Variants in LYRM2 observed in about 807,000 individuals in gnomAD.
The protein encoded by LYRM2 is LYR motif containing 2.
In LYRM2, 8 loss-of-function variants were observed where a neutral mutation model predicts 11.6. That is an observed-to-expected ratio of 0.69 (90% CI 0.40 to 1.24). The LOEUF (loss-of-function observed/expected upper bound fraction) is 1.24, where lower values mean the gene tolerates loss of function less well. Among genes scored for constraint, LYRM2 ranks in the 50% most tolerant of loss-of-function variants. The pLI is 0.01. For missense variants in LYRM2, 117 were observed against 102.9 expected, an observed-to-expected ratio of 1.14 and a Z score of -0.59; for synonymous variants, 30 against 36.4, an observed-to-expected ratio of 0.83 and a Z score of 0.63.
At chr6:89,638,484 A>G (rs1288201974) in intron 1 of LYRM2, 188 bp downstream of exon 1, 2 of 1,508,734 alleles carry the variant, frequency 1.3e-6, no homozygotes, top group African/African-American at 1.4e-5. Flanking sequence ...CACCAAACCA[A>G]GGAAGCAGCC....
rs1373704991 is a variant in LYRM2, at chr6:89,637,426, TAAAATCAAGAACCAA to T, written c.187-88_187-74del. 55 of 1,008,156 alleles carry T rather than the reference TAAAATCAAGAACCAA, an allele frequency of 5.5e-5. 1 individual carries two copies. In the East Asian group the frequency reaches 1.4e-3, roughly 25 times the overall value. 62.5% of individuals were successfully genotyped at this position (1,008,156 alleles called of 1,614,324 possible). A position where few individuals can be genotyped will look rare whatever the true frequency, so the allele number is the denominator to read the frequency against. On this transcript the variant is annotated intron_variant, in intron 2 of 2. Transcript: ENST00000523377. ...GGTATAGCTATACCATTTTATCTGT[TAAAATCAAGAACCAA>T]TACTACCTATTGGAACTGCTGCCTT... is the stretch of plus-strand genomic sequence containing the variant.
rs1274710191 is a variant in LYRM2 at position 89,636,144 on chromosome 6, CTTTA to C, written c.*1125_*1128del. On this transcript the variant is annotated 3_prime_UTR_variant, in exon 3 of 3. Transcript: ENST00000523377. ...CACCTCAAGAGTTTTTTAATAACAG[CTTTA>C]TTGAGATACAATTCATACCTTACAT... 1 of 152,208 alleles carries C rather than the reference CTTTA, an allele frequency of 6.6e-6. No individual in the cohort carries two copies. Among genetic ancestry groups the C allele is most frequent in the Non-Finnish European group, 1.5e-5 (1 of 68,048 alleles). The allele number at this position is 152,208 out of a possible 1,614,324, so 9.4% of individuals were successfully genotyped here.
chr6:89,637,201 G>A lies in LYRM2; in HGVS notation c.*72C>T. The A allele has an allele frequency of 1.3e-6, 1 of 762,624 alleles. No individual in the cohort carries two copies. The highest frequency in any genetic ancestry group is 1.7e-5 in the African/African-American group (1 of 57,930). The allele number at this position is 762,624 out of a possible 1,614,324, so 47.2% of individuals were successfully genotyped here. A position where few individuals can be genotyped will look rare whatever the true frequency, so the allele number is the denominator to read the frequency against. ...TATAAATAGTAAGACTGGGCTTTGT[G>A]TTGTCCATTGTTAATCCTAAATGCA... On this transcript the variant is annotated 3_prime_UTR_variant, in exon 3 of 3. Coordinates refer to ENST00000523377, the MANE Select transcript of LYRM2 (RefSeq NM_020466.5).
At position 89,638,737 on chromosome 6, in the gene LYRM2, A is replaced by T. The variant is rs1023969181; in HGVS notation, c.-21T>A. On this transcript the variant is annotated 5_prime_UTR_variant, in exon 1 of 3. Transcript: ENST00000523377. ...GCCATGTCCACCAGAGGTCCGCCGG[A>T]GCCTCAGCGCGCAGGAGCGGAAGTG... The T allele has an allele frequency of 6.2e-7, 1 of 1,613,538 alleles. No homozygotes were observed. The highest frequency in any genetic ancestry group is 8.5e-7 in the Non-Finnish European group (1 of 1,179,882).
In LYRM2 at chr6:89,637,744, C is replaced by G. The variant is rs1563221433; in HGVS notation, c.184G>C (p.Glu62Gln). The change falls in exon 2 of 3, where the codon GAG becomes CAG. Residue 62 changes from glutamate (E) to glutamine (Q), a missense_variant and splice_region_variant. By Grantham distance (29) the Glu-to-Gln change is conservative (BLOSUM62 2). Coordinates refer to ENST00000523377, the MANE Select transcript of LYRM2 (RefSeq NM_020466.5). ...CCTCACCATGATTTTGTTCTCACCTCTTCGGTGGCACTTTTGTTTCTTCTG... is the reference window on the plus strand; with the variant it reads ...CCTCACCATGATTTTGTTCTCACCTGTTCGGTGGCACTTTTGTTTCTTCTG... ...EFRRNKSATE[E>Q]DTIRMMITQG... 6.2e-7 allele frequency: 1 copy of G among 1,613,918 alleles called. No individual in the cohort carries two copies. The highest frequency in any genetic ancestry group is 8.5e-7 in the Non-Finnish European group (1 of 1,179,874).
At chr6:89,637,678 A>C in intron 2 of LYRM2, 64 bp downstream of exon 2, 1 of 1,560,594 alleles carries the variant, frequency 6.4e-7, no homozygotes, top group Non-Finnish European at 8.7e-7. Flanking sequence ...CTAAACTTAA[A>C]AAAAAAAATT....
chr6:89,638,170 C>A, intron 1 of LYRM2: 1 of 718,846 alleles, frequency 1.4e-6, no homozygotes, highest in Non-Finnish European at 1.9e-6. Context: ...GAGGCCCTGT[C>A]TCAAAAAGAT....
Position 89,636,677 on chromosome 6 carries a change from G to GTTTTTTTTTTTTTTTTTT in LYRM2, c.*595_*596insAAAAAAAAAAAAAAAAAA, listed in dbSNP as rs1309259627. 7.7e-6 allele frequency: 1 copy of GTTTTTTTTTTTTTTTTTT among 130,470 alleles called. No homozygotes were observed. Among genetic ancestry groups the GTTTTTTTTTTTTTTTTTT allele is most frequent in the African/African-American group, 2.7e-5 (1 of 37,420 alleles). 8.1% of individuals were successfully genotyped at this position (130,470 alleles called of 1,614,324 possible). ...CATTCTAGTGAATGTGAATCTCAGG[G>GTTTTTTTTTTTTTTTTTT]TTGTTTTTTTTTTTTTTTTTTAGAG... On this transcript the variant is annotated 3_prime_UTR_variant, in exon 3 of 3. Coordinates refer to ENST00000523377, the MANE Select transcript of LYRM2 (RefSeq NM_020466.5).
At chr6:89,638,626 C>T in intron 1 of LYRM2, 46 bp downstream of exon 1, 1 of 1,613,538 alleles carries the variant, frequency 6.2e-7, no homozygotes, top group Non-Finnish European at 8.5e-7. Flanking sequence ...GAGAATCCAG[C>T]TCAGACCCAG....
chr6:89,638,200 G>C lies in LYRM2; in HGVS notation c.46-318C>G, dbSNP rs115155032. 573 of 816,770 alleles carry C rather than the reference G, an allele frequency of 7.0e-4. 5 individuals are homozygous for C. In the African/African-American group the frequency reaches 9.3e-3, roughly 13 times the overall value. The allele number at this position is 816,770 out of a possible 1,614,324, so 50.6% of individuals were successfully genotyped here. The stretch of plus-strand genomic sequence containing the variant: ...AAAGATGTTTTAAAGAAAGCATCAC[G>C]AGGTTCATCTGATCTTTTTGCTTAC... On this transcript the variant is annotated intron_variant, in intron 1 of 2. Coordinates refer to ENST00000523377, the MANE Select transcript of LYRM2 (RefSeq NM_020466.5).
intron 1 of LYRM2, chr6:89,638,269 T>C: frequency 1.7e-6 from 2 of 1,143,058 alleles, no homozygotes; most frequent in South Asian, 5.5e-5. Context: ...AGGAGCTGCC[T>C]ACCGGGCTGA....
intron 2 of LYRM2, 144 bp downstream of exon 2, chr6:89,637,598 T>A: frequency 1.3e-6 from 1 of 756,324 alleles, no homozygotes; most frequent in Non-Finnish European, 2.1e-6. Flanking sequence ...AATAATAATT[T>A]AAAATCGGTA....
rs1584045521 is a variant in LYRM2 at position 89,632,791 on chromosome 6, C to A, written c.*4482G>T. The A allele has an allele frequency of 6.6e-6, 1 of 152,174 alleles. No homozygotes were observed. The highest frequency in any genetic ancestry group is 1.9e-4 in the East Asian group (1 of 5,194). The allele number at this position is 152,174 out of a possible 1,614,324, so 9.4% of individuals were successfully genotyped here. ...TACAGAATTGTAGAGCTGGAGAGTA[C>A]CTTCAGTTTTCTAAATCTATTCTCA... On this transcript the variant is annotated 3_prime_UTR_variant, in exon 3 of 3. Coordinates refer to ENST00000523377, the MANE Select transcript of LYRM2 (RefSeq NM_020466.5).
chr6:89,633,551 T>C lies in LYRM2; in HGVS notation c.*3722A>G, dbSNP rs1052432273. The C allele has an allele frequency of 6.6e-6, 1 of 152,210 alleles. No homozygotes were observed. The highest frequency in any genetic ancestry group is 2.4e-5 in the African/African-American group (1 of 41,452). 9.4% of individuals were successfully genotyped at this position (152,210 alleles called of 1,614,324 possible). A position where few individuals can be genotyped will look rare whatever the true frequency, so the allele number is the denominator to read the frequency against. On this transcript the variant is annotated 3_prime_UTR_variant, in exon 3 of 3. Transcript: ENST00000523377. ...GGGAAAAACTAAAACACAGAAATAC[T>C]GTACAGTATTAGTGTTTTTTTAAAG...
chr6:89,633,829 G>C lies in LYRM2; in HGVS notation c.*3444C>G, dbSNP rs1220879875. 6.6e-6 allele frequency: 1 copy of C among 152,218 alleles called. No individual in the cohort carries two copies. The highest frequency in any genetic ancestry group is 2.4e-5 in the African/African-American group (1 of 41,450). 9.4% of individuals were successfully genotyped at this position (152,218 alleles called of 1,614,324 possible). A position where few individuals can be genotyped will look rare whatever the true frequency, so the allele number is the denominator to read the frequency against. ...AATTCCTTATTAAAAAAATGCAAGT[G>C]TGAATACTTTGTTTAGCTTACATTT... On this transcript the variant is annotated 3_prime_UTR_variant, in exon 3 of 3. Transcript: ENST00000523377.
In LYRM2 at chr6:89,635,013, G is replaced by C. The variant is rs886524995; in HGVS notation, c.*2260C>G. 1.3e-5 allele frequency: 2 copies of C among 151,990 alleles called. No homozygotes were observed. The highest frequency in any genetic ancestry group is 2.4e-5 in the African/African-American group (1 of 41,366). The allele number at this position is 151,990 out of a possible 1,614,324, so 9.4% of individuals were successfully genotyped here. The stretch of plus-strand genomic sequence containing the variant: ...GATCCACCCACCTCAGCCTCCCAAA[G>C]TGTGTGGATTACTTGTGTAAGCCAC... On this transcript the variant is annotated 3_prime_UTR_variant, in exon 3 of 3. Transcript: ENST00000523377.
At position 89,633,470 on chromosome 6, in the gene LYRM2, T is replaced by TA. The variant is rs1353804862; in HGVS notation, c.*3802dup. 6.6e-6 allele frequency: 1 copy of TA among 152,200 alleles called. No individual in the cohort carries two copies. Among genetic ancestry groups the TA allele is most frequent in the Admixed American group, 6.5e-5 (1 of 15,284 alleles). The allele number at this position is 152,200 out of a possible 1,614,324, so 9.4% of individuals were successfully genotyped here. On this transcript the variant is annotated 3_prime_UTR_variant, in exon 3 of 3. Coordinates refer to ENST00000523377, the MANE Select transcript of LYRM2 (RefSeq NM_020466.5). Reference sequence around the variant, plus strand: ...CAAAGAAAAAGAACTATTGACAACTTATAGCCTGTCATGCAGGTCATGTTT... The same window carrying TA: ...CAAAGAAAAAGAACTATTGACAACTTAATAGCCTGTCATGCAGGTCATGTTT...
At position 89,636,115 on chromosome 6, in the gene LYRM2, C is replaced by T. The variant is rs1454094263; in HGVS notation, c.*1158G>A. ...CTCCTGGTGTCAGTATACTTTCAGT[C>T]CTACACCTCAAGAGTTTTTTAATAA... On this transcript the variant is annotated 3_prime_UTR_variant, in exon 3 of 3. Transcript: ENST00000523377. The T allele has an allele frequency of 1.3e-5, 2 of 148,842 alleles. No homozygotes were observed. The highest frequency in any genetic ancestry group is 4.9e-5 in the African/African-American group (2 of 41,086). The allele number at this position is 148,842 out of a possible 1,614,324, so 9.2% of individuals were successfully genotyped here.
chr6:89,634,692 C>A lies in LYRM2; in HGVS notation c.*2581G>T, dbSNP rs1446458959. 6.6e-6 allele frequency: 1 copy of A among 152,198 alleles called. No homozygotes were observed. The highest frequency in any genetic ancestry group is 1.5e-5 in the Non-Finnish European group (1 of 68,054). 9.4% of individuals were successfully genotyped at this position (152,198 alleles called of 1,614,324 possible). Reference sequence around the variant, plus strand: ...CGCCACCACACTCCAGCTTGTGCAACAGAGACCCTGTCTCAAAAAAAAGTC... The same window carrying A: ...CGCCACCACACTCCAGCTTGTGCAAAAGAGACCCTGTCTCAAAAAAAAGTC... On this transcript the variant is annotated 3_prime_UTR_variant, in exon 3 of 3. Coordinates refer to ENST00000523377, the MANE Select transcript of LYRM2 (RefSeq NM_020466.5).
Sources: allele counts gnomAD v4.1 joint callset, GRCh38; gene constraint gnomAD v4.1.1; transcripts MANE v1.5; gene names NCBI Gene and HGNC (gene_info 2026-07-23, HGNC 2026-07-21).